The following CPXM2 variants were observed in gnomAD, a reference collection of about 807,000 sequenced individuals.
CPXM2 encodes the protein inactive carboxypeptidase-like protein X2.
Under a neutral mutation model 86.1 loss-of-function variants are expected in CPXM2, and 66 were observed. The ratio of observed to expected loss-of-function variants is 0.77; its 90% confidence interval spans 0.63 to 0.94. CPXM2 has a LOEUF of 0.94. CPXM2 is among the 40% of genes least tolerant of loss of function. The pLI, the probability that CPXM2 is intolerant of heterozygous loss-of-function variation, is 0.00. For synonymous variants in CPXM2, 388 were observed against 400.2 expected (o/e 0.97, Z 0.36); for missense variants, 948 against 1,026.3 (o/e 0.92, Z 1.04).
chr10:123,802,572 T>A (rs1847484677), intron 4 of CPXM2, among the ~76,000 whole-genome samples: 1 of 152,254 alleles, frequency 6.6e-6, no homozygotes, highest in Non-Finnish European at 1.5e-5. Flanking sequence ...ATTTGAGTAG[T>A]TTCCAGTTTG....
At chr10:123,843,525 C>G (rs1323168491) in intron 3 of CPXM2, among the ~76,000 whole-genome samples, 4 of 151,190 alleles carry the variant, frequency 2.6e-5, no homozygotes, top group Admixed American at 2.6e-4. Flanking sequence ...GCTCCGCCTC[C>G]CGGGTTCACA....
chr10:123,798,449 G>T (rs1440027454), intron 5 of CPXM2, among the ~76,000 whole-genome samples: 2 of 152,122 alleles, frequency 1.3e-5, no homozygotes, highest in Non-Finnish European at 2.9e-5. Flanking sequence ...GGGAAGAGGG[G>T]CTGTTTGAAC....
chr10:123,750,356 G>C, intron 13 of CPXM2: 1 of 970,954 alleles, frequency 1.0e-6, no homozygotes, highest in Non-Finnish European at 1.2e-6. Context: ...ACTGCTCCCA[G>C]CCGGCCTCTC....
intron 2 of CPXM2, among the ~76,000 whole-genome samples, chr10:123,875,297 C>T (rs1199079450): frequency 6.6e-6 from 1 of 152,126 alleles, no homozygotes; most frequent in Non-Finnish European, 1.5e-5. Flanking sequence ...AGTAGGGGCA[C>T]CTTTGGTTTC....
Position 123,762,173 on chromosome 10 carries a change from T to C in CPXM2, c.1480-4A>G. The C allele has an allele frequency of 6.2e-7, 1 of 1,614,138 alleles. No individual in the cohort carries two copies. On this transcript the variant is annotated splice_region_variant and splice_polypyrimidine_tract_variant and intron_variant, in intron 10 of 13. Transcript: ENST00000241305. ...CTGCTCTGGTCTCGGCAGCCACCTG[T>C]GAACATCCCAAATGGACGAGTAAAA...
At chr10:123,747,163 T>C in intron 13 of CPXM2, 146 bp from the exon 14 acceptor site, 2 of 998,026 alleles carry the variant, frequency 2.0e-6, no homozygotes, top group South Asian at 3.2e-5. Flanking sequence ...TGCAAATTCT[T>C]AATGCATTTT....
At chr10:123,785,960 C>G (rs1847045282) in intron 6 of CPXM2, among the ~76,000 whole-genome samples, 3 of 152,146 alleles carry the variant, frequency 2.0e-5, no homozygotes, top group Admixed American at 6.5e-5. Flanking sequence ...GATCACAGCT[C>G]TGACTAGGCA....
At chr10:123,771,215 G>T (rs375721277) in intron 7 of CPXM2, among the ~76,000 whole-genome samples, 176 bp from the exon 8 acceptor site, 1 of 152,036 alleles carries the variant, frequency 6.6e-6, no homozygotes, top group East Asian at 1.9e-4. Flanking sequence ...ACATCCCTCT[G>T]CCCTGGATAA....
At chr10:123,870,787 C>T (rs1944882753) in intron 2 of CPXM2, among the ~76,000 whole-genome samples, 1 of 152,206 alleles carries the variant, frequency 6.6e-6, no homozygotes, top group East Asian at 1.9e-4. Context: ...GCATCACAAT[C>T]TCCCAGGAAA....
In CPXM2 at chr10:123,865,559, C is replaced by T. The variant is rs1564804657; in HGVS notation, c.404-2836G>A. On this transcript the variant is annotated intron_variant, in intron 2 of 13. Transcript: ENST00000241305. This position sits in a 1 kb window ranked among gnomAD's most constrained non-coding sequence, Gnocchi z 4.7. The stretch of plus-strand genomic sequence containing the variant: ...AACAGTGGATTCCAATGACACTGTC[C>T]ACCTCCTATCACACCTCTGAGTTTC... Among the ~76,000 whole-genome samples, 1 of 152,134 alleles carries T rather than the reference C, an allele frequency of 6.6e-6. No homozygotes were observed. The highest frequency in any genetic ancestry group is 1.5e-5 in the Non-Finnish European group (1 of 68,030).
In CPXM2 at chr10:123,762,033, T is replaced by C. The variant is rs1435229189; in HGVS notation, c.1616A>G (p.His539Arg). 1.2e-6 allele frequency: 2 copies of C among 1,613,874 alleles called. No individual in the cohort carries two copies. The highest frequency in any genetic ancestry group is 2.2e-5 in the South Asian group (2 of 91,058). Residue 539 changes from histidine (H) to arginine (R), a missense_variant, in exon 11 of 14, where the codon CAC becomes CGC. Transcript: ENST00000241305. ...CACGTGGTCGTCGGGGGTGGGGGTG[T>C]GTTCCTGCGTCTTCCAGGGGGACCG... is the stretch of plus-strand genomic sequence containing the variant. ...LVRSPWKTQE[H>R]TPTPDDHVFR...
At chr10:123,933,803 A>G (rs2134289037) in intron 2 of CPXM2, among the ~76,000 whole-genome samples, 1 of 152,170 alleles carries the variant, frequency 6.6e-6, no homozygotes, top group East Asian at 1.9e-4. Flanking sequence ...GGCAGGCCAC[A>G]GGAGGCCATC....
At chr10:123,841,290 C>T (rs541605525) in intron 4 of CPXM2, among the ~76,000 whole-genome samples, 1 of 152,306 alleles carries the variant, frequency 6.6e-6, no homozygotes, top group East Asian at 1.9e-4. Context: ...CCTCCGTCTC[C>T]ACAACCAGCC....
intron 12 of CPXM2, among the ~76,000 whole-genome samples, chr10:123,756,845 C>A (rs1846224757): frequency 6.6e-6 from 1 of 152,202 alleles, no homozygotes; most frequent in Non-Finnish European, 1.5e-5. Flanking sequence ...GGACTTCCGG[C>A]CTCCAGAGCT....
At chr10:123,895,567 G>T (rs550622517), upstream of CPXM2, among the ~76,000 whole-genome samples, 69 of 152,318 alleles carry the variant, frequency 4.5e-4, 1 homozygote, top group South Asian at 0.013. Context: ...AACTAATCTT[G>T]CCTAGAGTCT....
intron 1 of CPXM2, among the ~76,000 whole-genome samples, chr10:123,882,345 C>T (rs750907432): frequency 7.9e-5 from 12 of 152,168 alleles, no homozygotes; most frequent in Non-Finnish European, 1.5e-4. Context: ...CATCTCTGCC[C>T]GACACTGCTT....
intron 2 of CPXM2, among the ~76,000 whole-genome samples, chr10:123,867,385 A>G (rs1013443498): frequency 6.6e-6 from 1 of 152,230 alleles, no homozygotes; most frequent in African/African-American, 2.4e-5. Context: ...CTTTTGCTTT[A>G]AAGATCTAAA....
intron 2 of CPXM2, among the ~76,000 whole-genome samples, chr10:123,921,705 G>T (rs952529517): frequency 5.9e-5 from 9 of 152,222 alleles, no homozygotes; most frequent in African/African-American, 2.2e-4. Context: ...TGGACCTACA[G>T]GGTAATAGAG....
At chr10:123,856,699 C>T (rs984610355) in intron 3 of CPXM2, among the ~76,000 whole-genome samples, 5 of 151,660 alleles carry the variant, frequency 3.3e-5, no homozygotes, top group Admixed American at 1.3e-4. Flanking sequence ...TCAAGTGATT[C>T]TCCTGCCTCA....
Sources: allele counts gnomAD v4.1 joint callset (sites outside exome capture counted in the v4.1 genomes callset), GRCh38; gene constraint gnomAD v4.1.1; non-coding constraint Gnocchi (gnomAD v3.1); transcripts MANE v1.5; gene names NCBI Gene and HGNC (gene_info 2026-07-23, HGNC 2026-07-21).